ASTN2: variants seen among roughly 807,000 people sequenced by gnomAD.
The protein encoded by ASTN2 is astrotactin 2.
In ASTN2, 54 loss-of-function variants were observed where a neutral mutation model predicts 139.8. The ratio of observed to expected loss-of-function variants is 0.39; its 90% CI spans 0.31 to 0.48. ASTN2 has a LOEUF of 0.48. ASTN2 is among the 20% of genes least tolerant of loss of function. The pLI is 0.95. For synonymous variants in ASTN2, 756 were observed against 719.5 expected, an observed-to-expected ratio of 1.05 and a Z score of -0.81; for missense variants, 1,565 against 1,725.1, an observed-to-expected ratio of 0.91 and a Z score of 1.64.
chr9:116,521,550 A>C (rs1486557375), intron 19 of ASTN2, among the ~76,000 whole-genome samples: 2 of 152,308 alleles, frequency 1.3e-5, no homozygotes, highest in East Asian at 1.9e-4. Flanking sequence ...ATTCTAGAAG[A>C]TAACATTGGA....
At chr9:116,531,040 G>A (rs1259430355) in intron 19 of ASTN2, among the ~76,000 whole-genome samples, 2 of 152,194 alleles carry the variant, frequency 1.3e-5, no homozygotes, top group Non-Finnish European at 2.9e-5. Flanking sequence ...AAGACAAAGT[G>A]TAGCATTTTA....
At chr9:117,223,482 A>G (rs558714642) in intron 2 of ASTN2, among the ~76,000 whole-genome samples, 1 of 152,306 alleles carries the variant, frequency 6.6e-6, no homozygotes, top group East Asian at 1.9e-4. Flanking sequence ...GTCAGCTAAC[A>G]GGATAGGAAG....
chr9:117,371,115 G>T (rs1416940), intron 1 of ASTN2, among the ~76,000 whole-genome samples: 110,703 of 151,374 alleles, frequency 0.73, 40,788 homozygotes, highest in East Asian at 0.98. Context: ...CCCAACAGAG[G>T]GCCAAGACTA....
At chr9:116,927,131 C>A (rs966821872) in intron 10 of ASTN2, among the ~76,000 whole-genome samples, 1 of 152,126 alleles carries the variant, frequency 6.6e-6, no homozygotes, top group Non-Finnish European at 1.5e-5. Context: ...TTGCAGAAAA[C>A]CTTGAGCGTT....
chr9:116,503,496 A>G (rs1221559279), intron 19 of ASTN2, among the ~76,000 whole-genome samples: 4 of 152,130 alleles, frequency 2.6e-5, no homozygotes, highest in African/African-American at 9.7e-5. Context: ...CACAATGAAA[A>G]CTATAAAAGC....
chr9:117,301,859 A>ACATT (rs938259034), intron 1 of ASTN2, among the ~76,000 whole-genome samples: 3 of 152,190 alleles, frequency 2.0e-5, no homozygotes, highest in Admixed American at 6.5e-5. Flanking sequence ...TTGACCTTTA[A>ACATT]CAAATTAAGT....
chr9:117,359,840 CCT>C (rs1398784666), intron 1 of ASTN2, among the ~76,000 whole-genome samples: 1 of 152,082 alleles, frequency 6.6e-6, no homozygotes. Flanking sequence ...CTTTTCTGAG[CCT>C]CTGTTTCCCT....
chr9:116,535,614 G>C (rs1851585085), intron 19 of ASTN2, among the ~76,000 whole-genome samples: 1 of 152,080 alleles, frequency 6.6e-6, no homozygotes, highest in Non-Finnish European at 1.5e-5. Context: ...CTTCATTTAT[G>C]AAGCTTAGTT....
chr9:116,720,220 T>C (rs1271801461), intron 16 of ASTN2, among the ~76,000 whole-genome samples: 1 of 152,194 alleles, frequency 6.6e-6, no homozygotes, highest in African/African-American at 2.4e-5. Flanking sequence ...CAAAAGCACA[T>C]TGTAATTCAA....
rs1564283201 is a variant in ASTN2, at chr9:116,815,816, A to AAAAAAAAAAAAC, written c.2207+4800_2207+4801insGTTTTTTTTTTT. ...CGAGACTCCGTCTCAAAAAAAAAAA[A>AAAAAAAAAAAAC]AAAAAAAAAAAAGTTGATGAAATGG... On this transcript the variant is annotated intron_variant, in intron 12 of 22. Coordinates refer to ENST00000313400, the MANE Select transcript of ASTN2 (RefSeq NM_001365068.1). Among the ~76,000 whole-genome samples the AAAAAAAAAAAAC allele has an allele frequency of 2.9e-4, 41 of 141,054 alleles. 4 individuals are homozygous for AAAAAAAAAAAAC. Among genetic ancestry groups the AAAAAAAAAAAAC allele is most frequent in the African/African-American group, 1.0e-3 (36 of 34,406 alleles). The allele number at this position is 141,054 out of a possible 152,430, so 92.5% of individuals were successfully genotyped here. A position where few individuals can be genotyped will look rare whatever the true frequency, so the allele number is the denominator to read the frequency against.
At chr9:116,940,206 CA>C (rs1314100337) in intron 10 of ASTN2, among the ~76,000 whole-genome samples, 2 of 152,160 alleles carry the variant, frequency 1.3e-5, no homozygotes, top group African/African-American at 4.8e-5. Context: ...TTCAGTTTCC[CA>C]AAACACAGGG....
At chr9:116,966,072 C>A (rs1400583415) in intron 10 of ASTN2, among the ~76,000 whole-genome samples, 3 of 152,178 alleles carry the variant, frequency 2.0e-5, no homozygotes, top group Non-Finnish European at 4.4e-5. Flanking sequence ...GCCCAGTATA[C>A]ATGCCCAAAA....
At chr9:116,716,416 AACCATGTTTCT>A (rs752488428) in intron 16 of ASTN2, among the ~76,000 whole-genome samples, 23 of 152,178 alleles carry the variant, frequency 1.5e-4, no homozygotes, top group Non-Finnish European at 3.4e-4. Context: ...GGGAAGGCCA[AACCATGTTTCT>A]ACCTGGTTAT....
chr9:116,917,966 T>A (rs1473448522), intron 10 of ASTN2, among the ~76,000 whole-genome samples: 1 of 152,130 alleles, frequency 6.6e-6, no homozygotes, highest in South Asian at 2.1e-4. Flanking sequence ...AATTGAATCA[T>A]GGGGGCTGGT....
chr9:117,222,684 C>T (rs1270513775), intron 2 of ASTN2, among the ~76,000 whole-genome samples: 1 of 152,176 alleles, frequency 6.6e-6, no homozygotes, highest in Non-Finnish European at 1.5e-5. Flanking sequence ...AACTTCAATG[C>T]ATCTACTTTA....
chr9:117,089,309 T>G (rs1049086347), intron 5 of ASTN2, among the ~76,000 whole-genome samples: 3 of 152,214 alleles, frequency 2.0e-5, no homozygotes, highest in African/African-American at 7.2e-5. Context: ...TCCAACATTC[T>G]TTGCTCTATG....
intron 19 of ASTN2, among the ~76,000 whole-genome samples, chr9:116,554,830 A>G (rs1852527511): frequency 6.6e-6 from 1 of 152,230 alleles, no homozygotes; most frequent in African/African-American, 2.4e-5. Flanking sequence ...AAGAAAGAAG[A>G]AAAGAAAGAA....
chr9:116,666,188 A>G (rs538143498), intron 16 of ASTN2, among the ~76,000 whole-genome samples: 2 of 152,316 alleles, frequency 1.3e-5, no homozygotes, highest in South Asian at 4.1e-4. Flanking sequence ...GAACTTACTG[A>G]TCAAACCTAA....
chr9:117,270,102 C>T (rs1019745772), intron 2 of ASTN2, among the ~76,000 whole-genome samples: 11 of 152,158 alleles, frequency 7.2e-5, no homozygotes, highest in African/African-American at 2.2e-4. Flanking sequence ...ACATTACTAG[C>T]TGTGCGAGTT....
Sources: allele counts gnomAD v4.1 joint callset (sites outside exome capture counted in the v4.1 genomes callset), GRCh38; gene constraint gnomAD v4.1.1; transcripts MANE v1.5; gene names NCBI Gene and HGNC (gene_info 2026-07-23, HGNC 2026-07-21).